SUSD3: variants seen among roughly 807,000 people sequenced by gnomAD.
SUSD3 encodes sushi domain containing 3, also known as sushi domain-containing protein 3.
SUSD3 carries 18 observed loss-of-function variants against 20.6 expected under a neutral mutation model. That is an observed-to-expected ratio of 0.87 (90% CI 0.60 to 1.30). SUSD3 has a LOEUF of 1.30. Ranked by LOEUF, SUSD3 falls within the 50% of genes most tolerant of loss-of-function variation. The pLI, the probability that SUSD3 is intolerant of heterozygous loss-of-function variation, is 0.00. For synonymous variants in SUSD3, 137 were observed against 141.5 expected (o/e 0.97, Z 0.23); for missense variants, 306 against 346.9 (o/e 0.88, Z 0.94).
chr9:93,069,204 G>A (rs1407859211), intron 1 of SUSD3: 4 of 694,422 alleles, frequency 5.8e-6, no homozygotes, highest in African/African-American at 3.5e-5. Flanking sequence ...CACCCATCCC[G>A]CTCCACCCCG....
chr9:93,069,263 C>T (rs1297333511), intron 1 of SUSD3: 6 of 633,096 alleles, frequency 9.5e-6, no homozygotes, highest in Non-Finnish European at 1.7e-5. Context: ...TATCAGACCC[C>T]CTGATACTGC....
intron 1 of SUSD3, among the ~76,000 whole-genome samples, chr9:93,061,097 C>T (rs897890721): frequency 6.6e-6 from 1 of 152,230 alleles, no homozygotes; most frequent in African/African-American, 2.4e-5. Context: ...GCCCTGCTCC[C>T]AGGTCAGCCC....
At chr9:93,062,189 G>A (rs539492446) in intron 1 of SUSD3, among the ~76,000 whole-genome samples, 2 of 152,340 alleles carry the variant, frequency 1.3e-5, no homozygotes, top group African/African-American at 2.4e-5. Flanking sequence ...GCGCAGGCGC[G>A]GCATGTGGGC....
At chr9:93,075,029 C>T (rs1004740695) in intron 1 of SUSD3, among the ~76,000 whole-genome samples, 3 of 152,188 alleles carry the variant, frequency 2.0e-5, no homozygotes, top group African/African-American at 7.2e-5. Context: ...CAGGGCTTCC[C>T]AGGCCCTGCC....
chr9:93,077,804 G>A (rs1333016183), intron 2 of SUSD3, 42 bp from the exon 3 acceptor site: 2 of 1,611,872 alleles, frequency 1.2e-6, no homozygotes, highest in Non-Finnish European at 1.7e-6. Context: ...AAGCAAATCT[G>A]GGCAAACCTC....
intron 4 of SUSD3, among the ~76,000 whole-genome samples, chr9:93,080,261 G>A (rs1177646645): frequency 7.0e-6 from 1 of 143,508 alleles, no homozygotes; most frequent in Non-Finnish European, 1.5e-5. Context: ...GGAGCTTGTA[G>A]TGAGCCAAGG....
At chr9:93,078,133 C>T (rs548473379) in intron 3 of SUSD3, 140 bp downstream of exon 3, 53 of 1,184,584 alleles carry the variant, frequency 4.5e-5, no homozygotes, top group East Asian at 3.4e-4. Flanking sequence ...TCTGGGCCTG[C>T]GTCTCCCCCC....
intron 4 of SUSD3, among the ~76,000 whole-genome samples, chr9:93,080,282 G>A (rs1398687887): frequency 3.8e-5 from 5 of 130,888 alleles, no homozygotes; most frequent in African/African-American, 9.0e-5. Flanking sequence ...TTGTGCCACC[G>A]CACTCCAGCC....
At chr9:93,069,109 A>G (rs1398744109) in intron 1 of SUSD3, 2 of 702,856 alleles carry the variant, frequency 2.8e-6, no homozygotes, top group East Asian at 5.4e-5. Context: ...GATGAAAAAC[A>G]TAGGCCTTGT....
chr9:93,082,394 T>C (rs895569750), intron 4 of SUSD3, among the ~76,000 whole-genome samples: 76 of 143,948 alleles, frequency 5.3e-4, no homozygotes, highest in African/African-American at 1.9e-3. Flanking sequence ...CTCGGCTCAC[T>C]GCAAGCTCCG....
intron 4 of SUSD3, 30 bp from the exon 5 acceptor site, chr9:93,084,505 CTT>C (rs1004492556): frequency 1.3e-6 from 2 of 1,544,842 alleles, no homozygotes; most frequent in African/African-American, 2.7e-5. Context: ...TATCCACACT[CTT>C]TTGCCAACTC....
chr9:93,080,318 C>CAAAAAAAA (rs56134136), intron 4 of SUSD3, among the ~76,000 whole-genome samples: 1 of 56,738 alleles, frequency 1.8e-5, no homozygotes, highest in Non-Finnish European at 3.7e-5. Flanking sequence ...GACTCCGTCT[C>CAAAAAAAA]AAAAAAAAAA....
At chr9:93,082,381 G>C (rs1826452751) in intron 4 of SUSD3, among the ~76,000 whole-genome samples, 1 of 142,550 alleles carries the variant, frequency 7.0e-6, no homozygotes, top group African/African-American at 2.6e-5. Context: ...TCAGTGGCGC[G>C]ATCTCGGCTC....
chr9:93,059,620 G>T (rs1031063418), intron 1 of SUSD3, among the ~76,000 whole-genome samples: 2 of 152,082 alleles, frequency 1.3e-5, no homozygotes, highest in Non-Finnish European at 2.9e-5. Context: ...CACTGCCCAC[G>T]AACGTTAGGC....
At chr9:93,076,100 C>A in intron 2 of SUSD3, 128 bp downstream of exon 2, 1 of 772,522 alleles carries the variant, frequency 1.3e-6, no homozygotes, top group Non-Finnish European at 2.0e-6. Context: ...TGTGTAGGGT[C>A]CCATTCCCAA....
intron 4 of SUSD3, among the ~76,000 whole-genome samples, chr9:93,083,570 G>C (rs1826513335): frequency 6.6e-6 from 1 of 152,190 alleles, no homozygotes; most frequent in Non-Finnish European, 1.5e-5. Flanking sequence ...TTCACCTAGG[G>C]GTGGGTACTA....
Position 93,084,888 on chromosome 9 carries a change from C to G in SUSD3, c.*141C>G. The G allele has an allele frequency of 1.3e-6, 1 of 758,054 alleles. No homozygotes were observed. The highest frequency in any genetic ancestry group is 1.9e-6 in the Non-Finnish European group (1 of 515,824). The allele number at this position is 758,054 out of a possible 1,614,324, so 47.0% of individuals were successfully genotyped here. On this transcript the variant is annotated 3_prime_UTR_variant, in exon 5 of 5. Coordinates refer to ENST00000375472, the MANE Select transcript of SUSD3 (RefSeq NM_145006.4). ...GGAATCAGCTTCCAGGTGTAGGGAC[C>G]CCTTGAGGGGCCGAGCTGACATCCA...
intron 1 of SUSD3, 45 bp from the exon 2 acceptor site, chr9:93,075,739 C>CA (rs1554748815): frequency 4.3e-5 from 8 of 186,002 alleles, no homozygotes; most frequent in South Asian, 1.1e-4. Flanking sequence ...CCTGCGTGCC[C>CA]ACCCCCCCCC....
chr9:93,084,047 G>A (rs568383075), intron 4 of SUSD3, among the ~76,000 whole-genome samples: 2 of 152,096 alleles, frequency 1.3e-5, no homozygotes, highest in African/African-American at 4.8e-5. Flanking sequence ...GTATCTGGGG[G>A]AGTAGAGAGC....
Sources: gnomAD v4.1 joint callset for allele counts (sites outside exome capture counted in the v4.1 genomes callset) on GRCh38, gnomAD v4.1.1 for gene constraint, MANE v1.5 for transcripts, NCBI Gene and HGNC (gene_info 2026-07-23, HGNC 2026-07-21) for gene names.